Variants in FKBP11 observed in about 807,000 individuals in gnomAD.
FKBP11 encodes FKBP prolyl isomerase 11.
A neutral mutation model predicts 24.7 loss-of-function variants in FKBP11; 21 were observed. That is an observed-to-expected ratio of 0.85 (90% CI 0.60 to 1.23). The LOEUF (loss-of-function observed/expected upper bound fraction) is 1.23. FKBP11 is among the 50% of genes most tolerant of loss of function. FKBP11 has a pLI of 0.00. For missense variants in FKBP11, 245 were observed against 248.7 expected (o/e 0.99, Z 0.10); for synonymous variants, 106 against 100.6 (o/e 1.05, Z -0.32).
chr12:48,938,684 C>A, the FKBP11 span: 1 of 481,334 alleles, frequency 2.1e-6, no homozygotes, highest in East Asian at 4.2e-5. Context: ...AGAGAGGGGC[C>A]ACCCCATGAA....
intron 4 of FKBP11, 25 bp from the exon 5 acceptor site, chr12:48,923,877 G>T: frequency 1.2e-6 from 2 of 1,610,600 alleles, no homozygotes; most frequent in Middle Eastern, 1.7e-4. Context: ...GTCAGTCACA[G>T]CCAGAGGCAG....
In FKBP11 at chr12:48,925,403, G is replaced by A; in HGVS notation, c.26C>T (p.Pro9Leu). The part of the protein sequence containing the change: MTLRPSLL[P>L]LHLLLLLLLS... ...CAGCAGCAGCAGCAGCAGATGGAGCGGGAGGAGTGAGGGGCGCAGGGTCAT... is the reference window on the plus strand; with the variant it reads ...CAGCAGCAGCAGCAGCAGATGGAGCAGGAGGAGTGAGGGGCGCAGGGTCAT... Residue 9 changes from proline to leucine, a missense_variant, in exon 1 of 6, where the codon CCG becomes CTG. By Grantham distance (98) the Pro-to-Leu change is moderately conservative (BLOSUM62 -3). Transcript: ENST00000550765. The A allele has an allele frequency of 6.3e-7, 1 of 1,583,442 alleles. No homozygotes were observed. The highest frequency in any genetic ancestry group is 1.7e-4 in the Middle Eastern group (1 of 6,024).
chr12:48,927,392 T>C (rs1470309897), upstream of FKBP11, among the ~76,000 whole-genome samples: 2 of 152,172 alleles, frequency 1.3e-5, no homozygotes, highest in Non-Finnish European at 2.9e-5. Context: ...CTAGGGGTGA[T>C]GAAATGCTCT....
At chr12:48,939,022 G>A in the FKBP11 span, 2 of 1,613,726 alleles carry the variant, frequency 1.2e-6, no homozygotes, top group Non-Finnish European at 1.7e-6. This position sits in a 1 kb window ranked among gnomAD's most constrained non-coding sequence, Gnocchi z 4.8. Flanking sequence ...TGGCACAGGT[G>A]GCCTGAATGT....
chr12:48,932,282 T>A, the FKBP11 span, among the ~76,000 whole-genome samples: 1 of 62,970 alleles, frequency 1.6e-5, no homozygotes, highest in Admixed American at 2.0e-4. Context: ...TTTTTTTTTT[T>A]TTTTTTTTCT....
upstream of FKBP11, chr12:48,931,335 G>A (rs922954772): frequency 3.2e-6 from 4 of 1,258,694 alleles, no homozygotes; most frequent in Admixed American, 2.0e-5. Flanking sequence ...GAACCTGAAG[G>A]GGAAGAGGAG....
chr12:48,934,985 C>T, the FKBP11 span, among the ~76,000 whole-genome samples: 4 of 147,626 alleles, frequency 2.7e-5, no homozygotes, highest in African/African-American at 1.0e-4. Flanking sequence ...TGCCATTGCC[C>T]TCCAGCCTGG....
the FKBP11 span, among the ~76,000 whole-genome samples, chr12:48,932,090 T>A: frequency 6.7e-6 from 1 of 150,194 alleles, no homozygotes; most frequent in Non-Finnish European, 1.5e-5. Flanking sequence ...GTGGGAGGAC[T>A]GCTTGAGCCC....
chr12:48,923,656 C>G (rs909293573), intron 5 of FKBP11, 126 bp downstream of exon 5: 1 of 1,571,534 alleles, frequency 6.4e-7, no homozygotes, highest in African/African-American at 1.4e-5. Context: ...GAGGCCCCAG[C>G]CACTCCTATC....
At position 48,924,558 on chromosome 12, in the gene FKBP11, T is replaced by C. The variant is rs1204656100; in HGVS notation, c.283+3A>G. On this transcript the variant is annotated splice_donor_region_variant and intron_variant, in intron 3 of 5. Transcript: ENST00000550765. ...GGTGGAATGGGAGGCACAGGTCACA[T>C]ACCTGGAATCACCTGCTTTTGGCCA... 2 of 1,613,038 alleles carry C rather than the reference T, an allele frequency of 1.2e-6. No homozygotes were observed. The highest frequency in any genetic ancestry group is 1.7e-5 in the Admixed American group (1 of 59,998).
chr12:48,923,520 A>T (rs1211667298), intron 5 of FKBP11: 2 of 1,551,028 alleles, frequency 1.3e-6, no homozygotes, highest in East Asian at 4.9e-5. Flanking sequence ...CAGCAGACCC[A>T]TGTGGCCCAA....
chr12:48,923,714 T>TA (rs1939888123), intron 5 of FKBP11, 68 bp downstream of exon 5: 1 of 1,579,120 alleles, frequency 6.3e-7, no homozygotes, highest in African/African-American at 1.3e-5. Context: ...AAACAAAGTA[T>TA]ATAGCTCCTT....
At chr12:48,924,456 G>T in intron 3 of FKBP11, 105 bp downstream of exon 3, 4 of 1,204,132 alleles carry the variant, frequency 3.3e-6, no homozygotes, top group Non-Finnish European at 4.9e-6. Context: ...GAGCCCTAGG[G>T]TCTTACTCAT....
At chr12:48,933,868 A>C in the FKBP11 span, among the ~76,000 whole-genome samples, 1 of 152,134 alleles carries the variant, frequency 6.6e-6, no homozygotes, top group South Asian at 2.1e-4. Flanking sequence ...GTCTCAAAAA[A>C]AAAAAAAGCT....
At chr12:48,932,221 A>ATATATTTATATT in the FKBP11 span, among the ~76,000 whole-genome samples, 5 of 55,182 alleles carry the variant, frequency 9.1e-5, no homozygotes, top group East Asian at 5.0e-4. Flanking sequence ...TCATATAAAC[A>ATATATTTATATT]TATATTTATA....
the FKBP11 span, chr12:48,937,832 C>G: frequency 6.5e-6 from 1 of 154,228 alleles, no homozygotes; most frequent in African/African-American, 2.4e-5. Flanking sequence ...TGACCAAGGA[C>G]AGATGACCCA....
rs562794401 is a variant in FKBP11, at chr12:48,924,397, A to T, written c.284-141T>A. 3.3e-6 allele frequency: 4 copies of T among 1,204,092 alleles called. No homozygotes were observed. In the African/African-American group the frequency reaches 4.5e-5, roughly 14 times the overall value. The allele number at this position is 1,204,092 out of a possible 1,614,324, so 74.6% of individuals were successfully genotyped here. The stretch of plus-strand genomic sequence containing the variant: ...TCTCTGGCTTCCAATAGGATATGGG[A>T]CAAGTGGAGTACTAGAAGTGAGGTT... On this transcript the variant is annotated intron_variant, in intron 3 of 5. Transcript: ENST00000550765.
chr12:48,929,782 T>C (rs1453859588), upstream of FKBP11, among the ~76,000 whole-genome samples: 1 of 152,218 alleles, frequency 6.6e-6, no homozygotes, highest in African/African-American at 2.4e-5. Flanking sequence ...ATTCCCTTCC[T>C]GCTCATGGAC....
At chr12:48,924,705 G>T in intron 2 of FKBP11, 57 bp from the exon 3 acceptor site, 1 of 1,592,630 alleles carries the variant, frequency 6.3e-7, no homozygotes. Flanking sequence ...CCCAGCAGGC[G>T]CGCAACACAC....
Sources: allele counts gnomAD v4.1 joint callset (sites outside exome capture counted in the v4.1 genomes callset), GRCh38; gene constraint gnomAD v4.1.1; non-coding constraint Gnocchi (gnomAD v3.1); transcripts MANE v1.5; gene names NCBI Gene and HGNC (gene_info 2026-07-23, HGNC 2026-07-21).